OSTC: variants seen among roughly 807,000 people sequenced by gnomAD.
OSTC encodes the protein oligosaccharyltransferase complex non-catalytic subunit, also known as oligosaccharyltransferase complex subunit OSTC.
A neutral mutation model predicts 16.4 loss-of-function variants in OSTC; 16 were observed. That is an observed-to-expected ratio of 0.98 (90% CI 0.66 to 1.49). OSTC has a LOEUF of 1.49. Ranked by LOEUF, OSTC falls within the 40% of genes most tolerant of loss-of-function variation. The probability of loss-of-function intolerance (pLI) is 0.00; values close to 1 mark genes in which losing one functional copy is unlikely to be tolerated. For missense variants in OSTC, 139 were observed against 186.3 expected (o/e 0.75, Z 1.48); for synonymous variants, 67 against 68.5 (o/e 0.98, Z 0.11).
chr4:108,652,622 A>C (rs941214554), intron 1 of OSTC, among the ~76,000 whole-genome samples: 1 of 152,194 alleles, frequency 6.6e-6, no homozygotes, highest in African/African-American at 2.4e-5. Flanking sequence ...AGTCCCGTTA[A>C]GTTTCAGGCA....
At chr4:108,656,019 T>G (rs1397796801) in intron 2 of OSTC, among the ~76,000 whole-genome samples, 2 of 152,140 alleles carry the variant, frequency 1.3e-5, no homozygotes, top group Non-Finnish European at 2.9e-5. Flanking sequence ...ATGGCTGCTT[T>G]TAAGCTAGAG....
chr4:108,667,374 AG>A lies in OSTC; in HGVS notation c.*110del. 3.4e-6 allele frequency: 3 copies of A among 893,338 alleles called. No homozygotes were observed. The highest frequency in any genetic ancestry group is 3.7e-5 in the South Asian group (2 of 54,278). The allele number at this position is 893,338 out of a possible 1,614,324, so 55.3% of individuals were successfully genotyped here. A position where few individuals can be genotyped will look rare whatever the true frequency, so the allele number is the denominator to read the frequency against. On this transcript the variant is annotated 3_prime_UTR_variant, in exon 4 of 4. Coordinates refer to ENST00000361564, the MANE Select transcript of OSTC (RefSeq NM_021227.4). ...AATGTGGAAAAGAATGAAGAGCAGC[AG>A]TAAAAGAAATATCTAGTGAAAAAAC...
intron 3 of OSTC, among the ~76,000 whole-genome samples, chr4:108,658,803 C>G (rs1404953173): frequency 6.6e-6 from 1 of 151,804 alleles, no homozygotes; most frequent in East Asian, 1.9e-4. Flanking sequence ...CTTAACCTGT[C>G]CATTGTCTGT....
intron 1 of OSTC, 108 bp downstream of exon 1, chr4:108,650,902 T>G: frequency 6.7e-7 from 1 of 1,502,916 alleles, no homozygotes; most frequent in Non-Finnish European, 9.0e-7. Context: ...ATAGCTCTGC[T>G]TTGGATCTTT....
chr4:108,661,033 G>A (rs1184090317), intron 3 of OSTC, among the ~76,000 whole-genome samples: 1 of 151,898 alleles, frequency 6.6e-6, no homozygotes, highest in African/African-American at 2.4e-5. Flanking sequence ...CCTGGTCAAC[G>A]TGGTGAAAAC....
At chr4:108,652,964 G>A (rs543510039) in intron 1 of OSTC, among the ~76,000 whole-genome samples, 2 of 152,132 alleles carry the variant, frequency 1.3e-5, no homozygotes, top group Non-Finnish European at 2.9e-5. Context: ...GCTTGTACCC[G>A]GGAGGTGAAG....
chr4:108,657,917 CTTTTTTTTTTT>C (rs70949037), intron 3 of OSTC, among the ~76,000 whole-genome samples: 40 of 67,200 alleles, frequency 6.0e-4, no homozygotes, highest in African/African-American at 2.0e-3. Flanking sequence ...GTCATTGTTT[CTTTTTTTTTTT>C]TTTTTTTTTT....
chr4:108,663,144 C>T, intron 3 of OSTC: 1 of 450,276 alleles, frequency 2.2e-6, no homozygotes, highest in Non-Finnish European at 4.5e-6. Context: ...AGATAGAGTC[C>T]TAAAAGTTCT....
rs373504189 is a variant in OSTC, at chr4:108,656,430, A to C, written c.233+773A>C. Among the ~76,000 whole-genome samples the C allele has an allele frequency of 1.3e-5, 2 of 150,666 alleles. 1 individual carries two copies. Among genetic ancestry groups the C allele is most frequent in the African/African-American group, 4.9e-5 (2 of 40,658 alleles). On this transcript the variant is annotated intron_variant, in intron 2 of 3. Transcript: ENST00000361564. The stretch of plus-strand genomic sequence containing the variant: ...TGTTTGAATTTTGAACTTGGTACAT[A>C]TATTGTGTTTTCAATGAAAACAATT...
At chr4:108,666,332 T>G (rs1727000864) in intron 3 of OSTC, among the ~76,000 whole-genome samples, 1 of 152,210 alleles carries the variant, frequency 6.6e-6, no homozygotes, top group South Asian at 2.1e-4. Flanking sequence ...TGATTCTGAC[T>G]CTTAACTTTA....
intron 3 of OSTC, 112 bp from the exon 4 acceptor site, chr4:108,667,134 AT>A: frequency 1.3e-6 from 1 of 778,172 alleles, no homozygotes; most frequent in Non-Finnish European, 2.0e-6. Context: ...ATATTTTTGG[AT>A]TGTTATTTGA....
At chr4:108,665,443 A>AC (rs1333195118) in intron 3 of OSTC, among the ~76,000 whole-genome samples, 2 of 114,686 alleles carry the variant, frequency 1.7e-5, no homozygotes, top group African/African-American at 6.3e-5. Flanking sequence ...GGTGTTGTAA[A>AC]CCTTTTTTTT....
chr4:108,657,384 G>A (rs1362475705), intron 2 of OSTC, 66 bp from the exon 3 acceptor site: 2 of 1,423,606 alleles, frequency 1.4e-6, no homozygotes, highest in Non-Finnish European at 1.9e-6. Flanking sequence ...AACGGAAATA[G>A]GAATTTCAAT....
chr4:108,666,984 G>A (rs1464032982), intron 3 of OSTC, among the ~76,000 whole-genome samples: 1 of 148,806 alleles, frequency 6.7e-6, no homozygotes, highest in Non-Finnish European at 1.5e-5. Context: ...CAGCCTGGGT[G>A]ACAAGAGCAA....
chr4:108,655,737 A>G (rs1016202941), intron 2 of OSTC, 80 bp downstream of exon 2: 2 of 1,005,358 alleles, frequency 2.0e-6, no homozygotes, highest in African/African-American at 3.2e-5. Context: ...AAATAGAGTA[A>G]AACCTATGGG....
chr4:108,661,306 T>C (rs573439848), intron 3 of OSTC, among the ~76,000 whole-genome samples: 15 of 152,088 alleles, frequency 9.9e-5, no homozygotes, highest in Non-Finnish European at 1.8e-4. Flanking sequence ...TTAAACGTAG[T>C]CCCTAATATT....
In OSTC at chr4:108,655,609, T is replaced by C. The variant is rs775583054; in HGVS notation, c.185T>C (p.Met62Thr). The C allele has an allele frequency of 3.1e-6, 5 of 1,609,932 alleles. No homozygotes were observed. The highest frequency in any genetic ancestry group is 8.5e-7 in the Non-Finnish European group (1 of 1,176,570). ...VIVEPPSVGS[M>T]TDEHGHQRPV... ...GTTGAACCTCCAAGTGTCGGTTCTATGACTGATGAACATGGGCATCAGAGG... is the reference window on the plus strand; with the variant it reads ...GTTGAACCTCCAAGTGTCGGTTCTACGACTGATGAACATGGGCATCAGAGG... Residue 62 changes from methionine (M) to threonine (T), a missense_variant, in exon 2 of 4, where the codon ATG becomes ACG. By Grantham distance (81) the Met-to-Thr change is moderately conservative. Transcript: ENST00000361564.
At position 108,662,162 on chromosome 4, in the gene OSTC, A is replaced by T. The variant is rs1413633511; in HGVS notation, c.431+4515A>T. Among the ~76,000 whole-genome samples the T allele has an allele frequency of 5.3e-5, 8 of 152,332 alleles. No homozygotes were observed. The South Asian group carries it at 8.3e-4, about 16-fold the overall frequency. ...TTAAGCTTGAGAAGAAAAGCTAAGG[A>T]TCTTCTGGATAAATCCTGAGATCAT... On this transcript the variant is annotated intron_variant, in intron 3 of 3. Coordinates refer to ENST00000361564, the MANE Select transcript of OSTC (RefSeq NM_021227.4).
At chr4:108,662,130 GTGTT>G (rs1417813718) in intron 3 of OSTC, among the ~76,000 whole-genome samples, 1 of 152,156 alleles carries the variant, frequency 6.6e-6, no homozygotes, top group Non-Finnish European at 1.5e-5. Context: ...ATTTCACCTA[GTGTT>G]TATTAAGCTT....
Sources: gnomAD v4.1 joint callset for allele counts (sites outside exome capture counted in the v4.1 genomes callset) on GRCh38, gnomAD v4.1.1 for gene constraint, MANE v1.5 for transcripts, NCBI Gene and HGNC (gene_info 2026-07-23, HGNC 2026-07-21) for gene names.